The following CPD variants were observed in gnomAD, a reference collection of about 807,000 sequenced individuals.
CPD encodes metallocarboxypeptidase D.
CPD carries 69 observed loss-of-function variants against 138.3 expected under a neutral mutation model. That is an observed-to-expected ratio of 0.50 (90% CI 0.41 to 0.61). The LOEUF (loss-of-function observed/expected upper bound fraction) is 0.61, where lower values mean the gene tolerates loss of function less well. Among genes scored for constraint, CPD ranks in the 20% least tolerant of loss-of-function variants. The pLI is 0.00. For missense variants in CPD, 1,432 were observed against 1,733.3 expected, an observed-to-expected ratio of 0.83 and a Z score of 3.09; for synonymous variants, 651 against 642.1, an observed-to-expected ratio of 1.01 and a Z score of -0.21.
chr17:30,392,301 C>A (rs1597707098), intron 2 of CPD, among the ~76,000 whole-genome samples: 1 of 152,106 alleles, frequency 6.6e-6, no homozygotes, highest in African/African-American at 2.4e-5. Flanking sequence ...TGAGCCACTG[C>A]GCCCGGCCTA....
chr17:30,404,163 A>G (rs1204989185), intron 2 of CPD, among the ~76,000 whole-genome samples: 2 of 152,174 alleles, frequency 1.3e-5, no homozygotes, highest in Non-Finnish European at 2.9e-5. Flanking sequence ...ATGTGACTGT[A>G]TACATTGCAC....
chr17:30,411,820 G>A (rs1371130386), intron 2 of CPD, among the ~76,000 whole-genome samples: 1 of 152,046 alleles, frequency 6.6e-6, no homozygotes, highest in African/African-American at 2.4e-5. Context: ...CTTTAGCTCG[G>A]AGAAGTTTGT....
intron 2 of CPD, among the ~76,000 whole-genome samples, chr17:30,418,217 G>A (rs1228292992): frequency 6.6e-6 from 1 of 150,484 alleles, no homozygotes; most frequent in Non-Finnish European, 1.5e-5. Context: ...GTCTTACTTT[G>A]TTACCCAGAC....
rs1016769162 is a variant in CPD, at chr17:30,426,220, G to C, written c.1850-1171G>C. Among the ~76,000 whole-genome samples the C allele has an allele frequency of 2.2e-5, 3 of 139,378 alleles. No individual in the cohort carries two copies. In the East Asian group the frequency reaches 6.3e-4, roughly 29 times the overall value. The allele number at this position is 139,378 out of a possible 152,430, so 91.4% of individuals were successfully genotyped here. The stretch of plus-strand genomic sequence containing the variant: ...GTCTCAAAAAAAAAAAAAAAAAAAA[G>C]AGGTAATGCCTGACAGGTTCTTCCT... On this transcript the variant is annotated intron_variant, in intron 6 of 20. Transcript: ENST00000225719.
chr17:30,413,533 T>G (rs1232689770), intron 2 of CPD, among the ~76,000 whole-genome samples: 1 of 152,196 alleles, frequency 6.6e-6, no homozygotes, highest in African/African-American at 2.4e-5. Context: ...ACTTAATGCT[T>G]TAAGAACAAA....
chr17:30,461,291 CTTCTT>C lies in CPD; in HGVS notation c.3611_3615del (p.Leu1204GlnfsTer15). On this transcript the variant is annotated frameshift_variant, in exon 18 of 21. Coordinates refer to ENST00000225719, the MANE Select transcript of CPD (RefSeq NM_001304.5). LOFTEE classifies it high-confidence loss of function. ...CTTGTGGGCAGACAATAAGAGATCT[CTTCTT>C]AGTATGTTAGTGGAGGTGAGTCTTT... 6.2e-7 allele frequency: 1 copy of C among 1,602,806 alleles called. No homozygotes were observed. The highest frequency in any genetic ancestry group is 8.5e-7 in the Non-Finnish European group (1 of 1,175,256).
rs1434725968 is a variant in CPD, at chr17:30,379,630, A to T, written c.650A>T (p.Asn217Ile). Residue 217 changes from asparagine to isoleucine, a missense_variant, in exon 1 of 21, where the codon AAC becomes ATC. Around this residue, in one of 6 missense-constraint regions of CPD, gnomAD observed 484 missense variants for 477.2 expected, o/e 1.01. Coordinates refer to ENST00000225719, the MANE Select transcript of CPD (RefSeq NM_001304.5). The surrounding 1 kb of genome is among the most constrained non-coding windows in gnomAD (Gnocchi z 7.0). ...GRDNSRGRDL[N>I]RSFPDQFSTG... ...GACAATAGTCGCGGCCGCGACCTCA[A>T]CCGAAGCTTTCCCGACCAGTTTAGC... The T allele has an allele frequency of 1.0e-5, 15 of 1,499,650 alleles. No homozygotes were observed. Among genetic ancestry groups the T allele is most frequent in the Non-Finnish European group, 1.3e-5 (15 of 1,139,966 alleles). The allele number at this position is 1,499,650 out of a possible 1,614,324, so 92.9% of individuals were successfully genotyped here.
Position 30,379,617 on chromosome 17 carries a change from G to A in CPD, c.637G>A (p.Gly213Ser). ...SGASGRDNSRGRDLNRSFPDQ... is the reference protein window; with the variant it reads ...SGASGRDNSRSRDLNRSFPDQ... Reference sequence around the variant, plus strand: ...GGCCAGCGGCCGCGACAATAGTCGCGGCCGCGACCTCAACCGAAGCTTTCC... The same window carrying A: ...GGCCAGCGGCCGCGACAATAGTCGCAGCCGCGACCTCAACCGAAGCTTTCC... The change falls in exon 1 of 21, where the codon GGC (glycine) becomes AGC (serine). Residue 213 changes from glycine to serine, a missense_variant. Gly to Ser is a moderately conservative substitution (Grantham distance 56). Coordinates refer to ENST00000225719, the MANE Select transcript of CPD (RefSeq NM_001304.5). This position sits in a 1 kb window ranked among gnomAD's most constrained non-coding sequence, Gnocchi z 7.0. 1.4e-6 allele frequency: 2 copies of A among 1,479,842 alleles called. No individual in the cohort carries two copies. Among genetic ancestry groups the A allele is most frequent in the Non-Finnish European group, 8.8e-7 (1 of 1,130,530 alleles). 91.7% of individuals were successfully genotyped at this position (1,479,842 alleles called of 1,614,324 possible).
intron 2 of CPD, among the ~76,000 whole-genome samples, chr17:30,417,914 T>A (rs1029781648): frequency 3.3e-5 from 5 of 152,164 alleles, no homozygotes; most frequent in Non-Finnish European, 7.4e-5. Flanking sequence ...ATTCATGACA[T>A]CCCTGCAGCT....
chr17:30,415,706 T>C (rs1331662106), intron 2 of CPD, among the ~76,000 whole-genome samples: 4 of 152,208 alleles, frequency 2.6e-5, no homozygotes, highest in Non-Finnish European at 4.4e-5. Flanking sequence ...ATTGCAGCAT[T>C]ATTCACAATT....
At chr17:30,443,599 T>C (rs1912938120) in intron 10 of CPD, among the ~76,000 whole-genome samples, 1 of 152,172 alleles carries the variant, frequency 6.6e-6, no homozygotes, top group Non-Finnish European at 1.5e-5. Context: ...ATATTCTTCA[T>C]GATAAAGAGA....
intron 17 of CPD, chr17:30,456,878 T>A (rs1379341222): frequency 5.0e-6 from 1 of 200,358 alleles, no homozygotes; most frequent in Non-Finnish European, 1.0e-5. Flanking sequence ...AAGAATGGAG[T>A]TTATGAATAT....
intron 17 of CPD, among the ~76,000 whole-genome samples, chr17:30,457,681 A>G (rs1270040374): frequency 1.3e-5 from 2 of 151,440 alleles, no homozygotes; most frequent in African/African-American, 4.9e-5. Context: ...TTTTTTTTAA[A>G]CAGAGTCTCA....
chr17:30,462,206 C>T (rs1567886111), intron 19 of CPD, 144 bp downstream of exon 19: 1 of 1,058,144 alleles, frequency 9.5e-7, no homozygotes, highest in East Asian at 2.6e-5. Context: ...ATCTTGTTAT[C>T]CTTGTACCCC....
At chr17:30,421,621 T>A in intron 3 of CPD, 43 bp from the exon 4 acceptor site, 1 of 1,590,770 alleles carries the variant, frequency 6.3e-7, no homozygotes, top group South Asian at 1.1e-5. Flanking sequence ...CGCTCTTGCC[T>A]TCCAAATTCA....
In CPD at chr17:30,469,415, G is replaced by A. The variant is rs918570504; in HGVS notation, c.*4601G>A. Reference sequence around the variant, plus strand: ...CTGAGCCTCAGTTTCTCTACTGGTTGAATAATCCTTGATAGGATTGCAGTG... The same window carrying A: ...CTGAGCCTCAGTTTCTCTACTGGTTAAATAATCCTTGATAGGATTGCAGTG... On this transcript the variant is annotated 3_prime_UTR_variant, in exon 21 of 21. Coordinates refer to ENST00000225719, the MANE Select transcript of CPD (RefSeq NM_001304.5). 2.6e-5 allele frequency: 4 copies of A among 152,126 alleles called. No homozygotes were observed. The highest frequency in any genetic ancestry group is 4.4e-5 in the Non-Finnish European group (3 of 68,018). The allele number at this position is 152,126 out of a possible 1,614,324, so 9.4% of individuals were successfully genotyped here.
intron 7 of CPD, among the ~76,000 whole-genome samples, chr17:30,431,217 T>C (rs1912555560): frequency 1.3e-5 from 2 of 152,216 alleles, no homozygotes; most frequent in African/African-American, 4.8e-5. Flanking sequence ...CAATAACTAA[T>C]GATGCCGAGG....
Position 30,379,009 on chromosome 17 carries a change from C to G in CPD, c.29C>G (p.Pro10Arg), listed in dbSNP as rs2143285892. ...GCGAGCGGCCGGGACGAGCGGCCGC[C>G]TTGGCGGCTAGGGCGGCTCCTGTTG... MASGRDERP[P>R]WRLGRLLLLM... The change falls in exon 1 of 21, where the codon CCT (proline) becomes CGT (arginine). Residue 10 changes from proline (P) to arginine (R), a missense_variant. By Grantham distance (103) the Pro-to-Arg change is moderately radical. Transcript: ENST00000225719. This position sits in a 1 kb window ranked among gnomAD's most constrained non-coding sequence, Gnocchi z 7.0. The G allele has an allele frequency of 6.4e-7, 1 of 1,550,480 alleles. No individual in the cohort carries two copies. Among genetic ancestry groups the G allele is most frequent in the Middle Eastern group, 1.8e-4 (1 of 5,516 alleles).
At chr17:30,385,430 CACT>C (rs1179430682) in intron 2 of CPD, 194 bp downstream of exon 2, 15 of 566,492 alleles carry the variant, frequency 2.6e-5, no homozygotes, top group Non-Finnish European at 4.3e-5. Context: ...TTAAATTCAC[CACT>C]GTTATCTTAT....
Sources: allele counts gnomAD v4.1 joint callset (sites outside exome capture counted in the v4.1 genomes callset), GRCh38; gene constraint gnomAD v4.1.1; regional missense constraint gnomAD v4.1.1; non-coding constraint Gnocchi (gnomAD v3.1); transcripts MANE v1.5; gene names NCBI Gene and HGNC (gene_info 2026-07-23, HGNC 2026-07-21).